The following FZD6 variants were observed in gnomAD, a reference collection of about 807,000 sequenced individuals.
FZD6 encodes the protein frizzled-6.
FZD6 carries 49 observed loss-of-function variants against 61.4 expected under a neutral mutation model. That is an observed-to-expected ratio of 0.80 (90% CI 0.63 to 1.01). The LOEUF is 1.01. FZD6 is among the 50% of genes least tolerant of loss of function. The pLI is 0.00. For missense variants in FZD6, 724 were observed against 848.2 expected (o/e 0.85, Z 1.82); for synonymous variants, 265 against 292.2 (o/e 0.91, Z 0.95).
chr8:103,309,155 C>A (rs752524156), intron 2 of FZD6, among the ~76,000 whole-genome samples: 1 of 152,154 alleles, frequency 6.6e-6, no homozygotes, highest in Non-Finnish European at 1.5e-5. Flanking sequence ...GTTCCTGAAT[C>A]AATAGGTCTG....
rs527845806 is a variant in FZD6 at position 103,300,861 on chromosome 8, G to T, written c.177+577G>T. On this transcript the variant is annotated intron_variant, in intron 2 of 6. Transcript: ENST00000358755. The stretch of plus-strand genomic sequence containing the variant: ...CTTGTTAAAAGAAACCACTTGGGAG[G>T]AGTACAGTGACACTAAAGATTGCCT... Among the ~76,000 whole-genome samples, 16 of 152,244 alleles carry T rather than the reference G, an allele frequency of 1.1e-4. No individual in the cohort carries two copies. The South Asian group carries it at 1.7e-3, about 16-fold the overall frequency.
intron 2 of FZD6, among the ~76,000 whole-genome samples, chr8:103,309,645 T>C (rs1310046498): frequency 6.6e-6 from 1 of 152,208 alleles, no homozygotes. Flanking sequence ...ATTGTGTTTT[T>C]GCTAAATACA....
upstream of FZD6, chr8:103,298,823 G>A: frequency 6.1e-6 from 1 of 162,786 alleles, no homozygotes. Context: ...GCCCGGACCT[G>A]CCCGCCCGAC....
At position 103,300,175 on chromosome 8, in the gene FZD6, C is replaced by T. The variant is rs760374585; in HGVS notation, c.68C>T (p.Thr23Ile). ...LPLLRGHSLF[T>I]CEPITVPRCM... is the part of the protein sequence containing the mutation. Reference sequence around the variant, plus strand: ...CTCCTAAGAGGGCACAGTCTCTTCACCTGTGAACCAATTACTGTTCCCAGA... The same window carrying T: ...CTCCTAAGAGGGCACAGTCTCTTCATCTGTGAACCAATTACTGTTCCCAGA... The change falls in exon 2 of 7, where the codon ACC (threonine) becomes ATC (isoleucine). Residue 23 changes from threonine (T) to isoleucine (I), a missense_variant. Physicochemically the swap from Thr to Ile is moderately conservative, Grantham distance 89. Coordinates refer to ENST00000358755, the MANE Select transcript of FZD6 (RefSeq NM_003506.4). The T allele has an allele frequency of 2.5e-6, 4 of 1,596,788 alleles. No homozygotes were observed. In the Admixed American group the frequency reaches 5.0e-5, roughly 20 times the overall value.
intron 5 of FZD6, among the ~76,000 whole-genome samples, chr8:103,329,009 AGTTT>A (rs1563694818): frequency 6.1e-4 from 60 of 98,808 alleles, no homozygotes; most frequent in African/African-American, 2.1e-3. Flanking sequence ...AATTCATTTT[AGTTT>A]TATATATATA....
At chr8:103,320,657 C>T (rs375694372) in intron 3 of FZD6, among the ~76,000 whole-genome samples, 14 of 151,838 alleles carry the variant, frequency 9.2e-5, no homozygotes, top group African/African-American at 2.9e-4. Flanking sequence ...AGCTTGCAGA[C>T]GAAGGGCAGG....
At chr8:103,305,593 A>G (rs1020557665) in intron 2 of FZD6, among the ~76,000 whole-genome samples, 13 of 152,238 alleles carry the variant, frequency 8.5e-5, no homozygotes, top group Non-Finnish European at 1.8e-4. Context: ...TTTGTTTTTC[A>G]GGAAAGACTA....
At chr8:103,304,003 C>T (rs1404570974) in intron 2 of FZD6, among the ~76,000 whole-genome samples, 4 of 151,502 alleles carry the variant, frequency 2.6e-5, no homozygotes, top group Non-Finnish European at 4.4e-5. Context: ...CTGCTTGTAA[C>T]TTGGCTTTTA....
intron 2 of FZD6, among the ~76,000 whole-genome samples, chr8:103,304,203 C>T (rs1814264141): frequency 6.6e-6 from 1 of 152,104 alleles, no homozygotes; most frequent in Admixed American, 6.6e-5. Context: ...CTGAGAATTC[C>T]GTATAAGTCA....
chr8:103,313,183 G>A (rs1234632206), intron 2 of FZD6, among the ~76,000 whole-genome samples: 1 of 152,140 alleles, frequency 6.6e-6, no homozygotes, highest in East Asian at 1.9e-4. Context: ...AGAAGAACAG[G>A]TTGTGATAAA....
At chr8:103,328,494 A>G (rs1815021843) in intron 5 of FZD6, 78 bp downstream of exon 5, 7 of 1,108,366 alleles carry the variant, frequency 6.3e-6, no homozygotes, top group Non-Finnish European at 9.5e-6. Flanking sequence ...AAATCAATGT[A>G]CTAGAGTTTC....
intron 5 of FZD6, among the ~76,000 whole-genome samples, chr8:103,328,777 T>A (rs1278572159): frequency 6.6e-6 from 1 of 151,484 alleles, no homozygotes; most frequent in Admixed American, 6.6e-5. Flanking sequence ...TTAAATAATT[T>A]TATCCTTTTT....
At chr8:103,322,933 A>G (rs1045062970) in intron 3 of FZD6, among the ~76,000 whole-genome samples, 7 of 152,212 alleles carry the variant, frequency 4.6e-5, no homozygotes, top group African/African-American at 1.7e-4. Flanking sequence ...TCCATCATAG[A>G]AGAATGATTA....
In FZD6 at chr8:103,300,292, G is replaced by A; in HGVS notation, c.177+8G>A. Reference sequence around the variant, plus strand: ...GCCGCGGTGGAAATGGAGGTGAGTAGTGCTTCATACGTTTATTGAATAGTA... The same window carrying A: ...GCCGCGGTGGAAATGGAGGTGAGTAATGCTTCATACGTTTATTGAATAGTA... On this transcript the variant is annotated splice_region_variant and intron_variant, in intron 2 of 6. Transcript: ENST00000358755. 1 of 1,564,934 alleles carries A rather than the reference G, an allele frequency of 6.4e-7. No individual in the cohort carries two copies. The highest frequency in any genetic ancestry group is 8.8e-7 in the Non-Finnish European group (1 of 1,135,082).
chr8:103,311,368 C>G lies in FZD6; in HGVS notation c.178-7222C>G, dbSNP rs559351765. Among the ~76,000 whole-genome samples the G allele has an allele frequency of 1.2e-4, 18 of 152,302 alleles. No homozygotes were observed. The South Asian group carries it at 1.2e-3, about 11-fold the overall frequency. ...ATTGCCAGGCTGTATCCCTGCATCC[C>G]TCTTAGCTTCCATAGTGTCTTACCT... On this transcript the variant is annotated intron_variant, in intron 2 of 6. Coordinates refer to ENST00000358755, the MANE Select transcript of FZD6 (RefSeq NM_003506.4).
At chr8:103,299,931 A>T (rs1814103792) in intron 1 of FZD6, 25 bp from the exon 2 acceptor site, 6 of 583,884 alleles carry the variant, frequency 1.0e-5, no homozygotes, top group Non-Finnish European at 1.9e-5. Flanking sequence ...AATGTTGCTG[A>T]TACACCCTCC....
At chr8:103,312,372 G>C (rs1814519158) in intron 2 of FZD6, among the ~76,000 whole-genome samples, 2 of 152,174 alleles carry the variant, frequency 1.3e-5, no homozygotes, top group South Asian at 4.1e-4. Flanking sequence ...AAAGCACTGG[G>C]TTACTAAGAG....
chr8:103,319,079 A>G (rs764165094), intron 3 of FZD6, among the ~76,000 whole-genome samples: 2 of 152,242 alleles, frequency 1.3e-5, no homozygotes, highest in Non-Finnish European at 2.9e-5. Context: ...GGAAAGGTAG[A>G]TAATTCTATG....
intron 4 of FZD6, among the ~76,000 whole-genome samples, chr8:103,326,620 T>C (rs1814956936): frequency 1.3e-5 from 2 of 151,642 alleles, no homozygotes; most frequent in African/African-American, 4.8e-5. Flanking sequence ...ATAATATTCC[T>C]GTAGTTGTAG....
Sources: gnomAD v4.1 joint callset for allele counts (sites outside exome capture counted in the v4.1 genomes callset) on GRCh38, gnomAD v4.1.1 for gene constraint, MANE v1.5 for transcripts, NCBI Gene and HGNC (gene_info 2026-07-23, HGNC 2026-07-21) for gene names.